The following ATP6V0E1 variants were observed in gnomAD, a reference collection of about 807,000 sequenced individuals.
ATP6V0E1 encodes the protein V-type proton ATPase subunit e 1.
In ATP6V0E1, 4 loss-of-function variants were observed where a neutral mutation model predicts 11.6. The ratio of observed to expected loss-of-function variants is 0.35; its 90% CI spans 0.17 to 0.79. The LOEUF is 0.79. Ranked by LOEUF, ATP6V0E1 falls within the 30% of genes least tolerant of loss-of-function variation. The probability of loss-of-function intolerance (pLI) is 0.54; values close to 1 mark genes in which losing one functional copy is unlikely to be tolerated. For synonymous variants in ATP6V0E1, 36 were observed against 34.8 expected, an observed-to-expected ratio of 1.04 and a Z score of -0.13; for missense variants, 105 against 100.0, an observed-to-expected ratio of 1.05 and a Z score of -0.21.
At chr5:173,006,695 T>G (rs1581629607) in intron 2 of ATP6V0E1, among the ~76,000 whole-genome samples, 1 of 152,336 alleles carries the variant, frequency 6.6e-6, no homozygotes, top group Non-Finnish European at 1.5e-5. Flanking sequence ...CTGTGAGATC[T>G]GTAAACAGAA....
chr5:173,011,506 A>G (rs946100183), intron 2 of ATP6V0E1, among the ~76,000 whole-genome samples: 3 of 152,108 alleles, frequency 2.0e-5, no homozygotes, highest in South Asian at 2.1e-4. Context: ...AATAGCCTAT[A>G]GAAACAGCCT....
At chr5:173,030,307 T>G (rs1399675262) in intron 3 of ATP6V0E1, among the ~76,000 whole-genome samples, 2 of 152,218 alleles carry the variant, frequency 1.3e-5, no homozygotes, top group African/African-American at 4.8e-5. Context: ...TTTTGCAAAT[T>G]TATCTAAAAT....
chr5:172,988,145 C>T (rs1164938112), intron 1 of ATP6V0E1, among the ~76,000 whole-genome samples: 1 of 152,118 alleles, frequency 6.6e-6, no homozygotes, highest in Non-Finnish European at 1.5e-5. Context: ...TCAGGATCAT[C>T]AAGATGTCAT....
chr5:173,010,839 T>G (rs907387022), intron 2 of ATP6V0E1, among the ~76,000 whole-genome samples: 4 of 152,174 alleles, frequency 2.6e-5, no homozygotes. Flanking sequence ...GTGCCTTTGT[T>G]CCCTGTTCTT....
At position 173,018,720 on chromosome 5, in the gene ATP6V0E1, C is replaced by T. The variant is rs144077086; in HGVS notation, c.153-1518C>T. The stretch of plus-strand genomic sequence containing the variant: ...GTGAGGATAGTGACATTTCATTTTT[C>T]GCCATTGTATTTCTGAGGCCTAGAA... On this transcript the variant is annotated intron_variant, in intron 2 of 3. Coordinates refer to ENST00000519374, the MANE Select transcript of ATP6V0E1 (RefSeq NM_003945.4). 5.7e-3 allele frequency among the ~76,000 whole-genome samples: 869 copies of T among 152,120 alleles called. 11 individuals carry two copies. Among genetic ancestry groups the T allele is most frequent in the African/African-American group, 0.019 (808 of 41,494 alleles).
chr5:172,998,190 CTTT>C, intron 2 of ATP6V0E1, among the ~76,000 whole-genome samples: 1 of 104,882 alleles, frequency 9.5e-6, no homozygotes, highest in African/African-American at 3.8e-5. Context: ...AAAATTTAGT[CTTT>C]TTTTTTTTTT....
At chr5:172,995,390 C>G (rs992603334) in intron 2 of ATP6V0E1, among the ~76,000 whole-genome samples, 1 of 152,238 alleles carries the variant, frequency 6.6e-6, no homozygotes, top group Non-Finnish European at 1.5e-5. Context: ...GCATGAGCCA[C>G]TGTGCCCGGT....
intron 1 of ATP6V0E1, among the ~76,000 whole-genome samples, chr5:172,991,019 T>C (rs1046958777): frequency 4.9e-4 from 75 of 152,140 alleles, no homozygotes; most frequent in African/African-American, 1.7e-3. Flanking sequence ...AGTAGCGTGC[T>C]CATATCTCAC....
In ATP6V0E1 at chr5:172,994,800, T is replaced by C; in HGVS notation, c.130T>C (p.Cys44Arg). The change falls in exon 2 of 4, where the codon TGT (cysteine) becomes CGT (arginine). Residue 44 changes from cysteine to arginine, a missense_variant. By Grantham distance (180) the Cys-to-Arg change is radical. Coordinates refer to ENST00000519374, the MANE Select transcript of ATP6V0E1 (RefSeq NM_003945.4). ...AGTTATCATTACCATGTTGGTGACC[T>C]GTTCAGTTTGCTGCTATCTCTTGTA... ...RGVIITMLVTCSVCCYLFWLI... is the reference protein window; with the variant it reads ...RGVIITMLVTRSVCCYLFWLI... The C allele has an allele frequency of 1.2e-6, 2 of 1,603,864 alleles. No homozygotes were observed. The highest frequency in any genetic ancestry group is 2.7e-5 in the African/African-American group (2 of 74,504).
intron 3 of ATP6V0E1, among the ~76,000 whole-genome samples, chr5:173,032,087 G>C (rs1756668816): frequency 6.6e-6 from 1 of 151,934 alleles, no homozygotes; most frequent in Admixed American, 6.6e-5. Flanking sequence ...AGGAGGTGGT[G>C]GTTGCAGTGA....
In ATP6V0E1 at chr5:172,993,040, C is replaced by T. The variant is rs556629792; in HGVS notation, c.105-1735C>T. 9.2e-5 allele frequency among the ~76,000 whole-genome samples: 14 copies of T among 152,016 alleles called. No homozygotes were observed. The East Asian group carries it at 9.8e-4, about 11-fold the overall frequency. ...GTCTCGAACTCCTGACCTCTTGATCCGCCTGCCTCGGCCTCCTAAAGTGCT... is the reference window on the plus strand; with the variant it reads ...GTCTCGAACTCCTGACCTCTTGATCTGCCTGCCTCGGCCTCCTAAAGTGCT... On this transcript the variant is annotated intron_variant, in intron 1 of 3. Transcript: ENST00000519374.
At chr5:173,026,177 A>G (rs1367045674) in intron 3 of ATP6V0E1, among the ~76,000 whole-genome samples, 1 of 151,850 alleles carries the variant, frequency 6.6e-6, no homozygotes, top group African/African-American at 2.4e-5. Flanking sequence ...TAAATTTTGT[A>G]TGGAGACAGT....
At chr5:172,993,686 C>G (rs71611164) in intron 1 of ATP6V0E1, among the ~76,000 whole-genome samples, 7 of 125,174 alleles carry the variant, frequency 5.6e-5, no homozygotes, top group Non-Finnish European at 1.2e-4. Context: ...GAGACCCCCC[C>G]CCCCGACCCC....
intron 2 of ATP6V0E1, among the ~76,000 whole-genome samples, chr5:173,005,253 A>C (rs539603547): frequency 3.1e-4 from 47 of 151,258 alleles, no homozygotes; most frequent in African/African-American, 1.1e-3. Context: ...TGAGTTTTCT[A>C]ATCTCACTGG....
chr5:173,019,607 T>G (rs962814930), intron 2 of ATP6V0E1, among the ~76,000 whole-genome samples: 4 of 152,044 alleles, frequency 2.6e-5, no homozygotes, highest in African/African-American at 9.7e-5. Flanking sequence ...TCCTTTATAG[T>G]TTAGTCTGTA....
intron 3 of ATP6V0E1, among the ~76,000 whole-genome samples, chr5:173,024,264 T>G (rs1428165691): frequency 2.0e-5 from 3 of 150,962 alleles, no homozygotes; most frequent in Admixed American, 1.3e-4. Flanking sequence ...AGAATACAGG[T>G]TTAATTCTTT....
At chr5:173,026,666 A>G (rs549497036) in intron 3 of ATP6V0E1, among the ~76,000 whole-genome samples, 5 of 152,182 alleles carry the variant, frequency 3.3e-5, no homozygotes, top group Non-Finnish European at 7.3e-5. Context: ...TCATCTCTTT[A>G]TAGCCATTGA....
At chr5:173,030,595 CA>C (rs1296330741) in intron 3 of ATP6V0E1, among the ~76,000 whole-genome samples, 2 of 152,034 alleles carry the variant, frequency 1.3e-5, no homozygotes, top group East Asian at 3.9e-4. Flanking sequence ...AATGTGCCAC[CA>C]TACCCGGCTA....
At chr5:173,003,778 C>G (rs1756191162) in intron 2 of ATP6V0E1, among the ~76,000 whole-genome samples, 1 of 152,184 alleles carries the variant, frequency 6.6e-6, no homozygotes, top group Admixed American at 6.5e-5. Flanking sequence ...AAGAGAGATT[C>G]AACTGGTACA....
Sources: allele counts gnomAD v4.1 joint callset (sites outside exome capture counted in the v4.1 genomes callset), GRCh38; gene constraint gnomAD v4.1.1; transcripts MANE v1.5; gene names NCBI Gene and HGNC (gene_info 2026-07-23, HGNC 2026-07-21).